TMEM132D: variants seen among roughly 807,000 people sequenced by gnomAD.
The protein encoded by TMEM132D is transmembrane protein 132D.
A neutral mutation model predicts 62.3 loss-of-function variants in TMEM132D; 21 were observed. The ratio of observed to expected loss-of-function variants is 0.34; its 90% CI spans 0.24 to 0.49. The LOEUF is 0.49. Ranked by LOEUF, TMEM132D falls within the 20% of genes least tolerant of loss-of-function variation. The pLI is 0.99. For missense variants in TMEM132D, 1,346 were observed against 1,402.8 expected, an observed-to-expected ratio of 0.96 and a Z score of 0.65; for synonymous variants, 621 against 575.6, an observed-to-expected ratio of 1.08 and a Z score of -1.13.
chr12:129,235,517 C>A (rs1416801813), intron 4 of TMEM132D, among the ~76,000 whole-genome samples: 2 of 151,854 alleles, frequency 1.3e-5, no homozygotes, highest in East Asian at 3.9e-4. Context: ...TTAATCCTTG[C>A]TGTTACATGT....
chr12:129,699,653 C>T (rs1249976757), intron 2 of TMEM132D, among the ~76,000 whole-genome samples, 157 bp downstream of exon 2: 1 of 152,208 alleles, frequency 6.6e-6, no homozygotes, highest in Non-Finnish European at 1.5e-5. Flanking sequence ...AACGATCAGA[C>T]TGGTCTCTGT....
At chr12:129,227,772 T>C (rs1241273653) in intron 4 of TMEM132D, among the ~76,000 whole-genome samples, 2 of 151,732 alleles carry the variant, frequency 1.3e-5, no homozygotes, top group Non-Finnish European at 2.9e-5. Flanking sequence ...CAACAGGCCC[T>C]GGTGTGTAAT....
rs181299347 is a variant in TMEM132D, at chr12:129,329,551, T to C, written c.1299+8083A>G. 2.0e-5 allele frequency among the ~76,000 whole-genome samples: 3 copies of C among 152,340 alleles called. No homozygotes were observed. The East Asian group carries it at 5.8e-4, about 29-fold the overall frequency. Reference sequence around the variant, plus strand: ...CAGGAAAGGAAGCTCCTTTCCCTAATTTGACAGCCTTTTCTTAAGTCCAGA... The same window carrying C: ...CAGGAAAGGAAGCTCCTTTCCCTAACTTGACAGCCTTTTCTTAAGTCCAGA... On this transcript the variant is annotated intron_variant, in intron 4 of 8. Transcript: ENST00000422113.
chr12:129,574,946 C>T (rs540233566), intron 2 of TMEM132D, among the ~76,000 whole-genome samples: 2 of 151,900 alleles, frequency 1.3e-5, no homozygotes, highest in South Asian at 2.1e-4. Context: ...CGAAACTCCA[C>T]CAAACACTCT....
chr12:129,902,048 C>A (rs1297591231), intron 1 of TMEM132D, among the ~76,000 whole-genome samples: 3 of 152,142 alleles, frequency 2.0e-5, no homozygotes, highest in African/African-American at 4.8e-5. Context: ...GAAACGTGAG[C>A]CCATTTCAAC....
chr12:129,409,581 T>A (rs1418688538), intron 3 of TMEM132D, among the ~76,000 whole-genome samples: 1 of 152,188 alleles, frequency 6.6e-6, no homozygotes, highest in East Asian at 1.9e-4. Context: ...AAATTATGAA[T>A]TACCACTTTC....
At chr12:129,362,947 A>G (rs1185066804) in intron 3 of TMEM132D, among the ~76,000 whole-genome samples, 1 of 152,228 alleles carries the variant, frequency 6.6e-6, no homozygotes, top group Non-Finnish European at 1.5e-5. Flanking sequence ...ACAATTGCAC[A>G]TGGTACAGCA....
intron 3 of TMEM132D, among the ~76,000 whole-genome samples, chr12:129,392,622 C>A (rs993928169): frequency 6.6e-6 from 1 of 152,174 alleles, no homozygotes; most frequent in Non-Finnish European, 1.5e-5. Context: ...CTAGGAACCT[C>A]GTTACAAATG....
chr12:129,274,734 A>C (rs564878547), intron 4 of TMEM132D, among the ~76,000 whole-genome samples: 3 of 152,142 alleles, frequency 2.0e-5, no homozygotes, highest in South Asian at 4.2e-4. Flanking sequence ...AAAAATACAA[A>C]AAATTAGCCA....
chr12:129,503,783 T>G (rs1295585276), intron 3 of TMEM132D, among the ~76,000 whole-genome samples: 1 of 152,184 alleles, frequency 6.6e-6, no homozygotes, highest in Non-Finnish European at 1.5e-5. Flanking sequence ...ACAATTATTC[T>G]TCTCTCTGCA....
At position 129,074,686 on chromosome 12, in the gene TMEM132D, G is replaced by T. The variant is rs143905056; in HGVS notation, c.2489C>A (p.Pro830His). The T allele has an allele frequency of 3.7e-6, 6 of 1,614,038 alleles. No homozygotes were observed. The South Asian group carries it at 6.6e-5, about 18-fold the overall frequency. The change falls in exon 9 of 9, where the codon CCC becomes CAC. Residue 830 changes from proline to histidine, a missense_variant. Physicochemically the swap from Pro to His is moderately conservative, Grantham distance 77. Coordinates refer to ENST00000422113, the MANE Select transcript of TMEM132D (RefSeq NM_133448.3). ...NNVSDRRPKK[P>H]SQEWGSQEGQ... ...TTCCTGACTCCCCCATTCCTGCGAG[G>T]GTTTTTTGGGCCTTCTGTCACTGAC...
intron 3 of TMEM132D, among the ~76,000 whole-genome samples, chr12:129,421,899 T>C (rs1478549830): frequency 1.3e-5 from 2 of 152,170 alleles, no homozygotes; most frequent in African/African-American, 4.8e-5. Context: ...TGCAATAAAA[T>C]TCAGTCTGAG....
chr12:129,841,203 A>C (rs771813343), intron 1 of TMEM132D, among the ~76,000 whole-genome samples: 5 of 152,200 alleles, frequency 3.3e-5, no homozygotes, highest in Non-Finnish European at 7.3e-5. Context: ...AGTTACCAAA[A>C]GTTTTCAGCG....
At position 129,148,346 on chromosome 12, in the gene TMEM132D, T is replaced by C. The variant is rs572937609; in HGVS notation, c.1443+61174A>G. On this transcript the variant is annotated intron_variant, in intron 5 of 8. Coordinates refer to ENST00000422113, the MANE Select transcript of TMEM132D (RefSeq NM_133448.3). ...TACATGGCAGAGGGGACTCTGTAGA[T>C]GTGATTAAGGGTTTTAAAATGGGGA... Among the ~76,000 whole-genome samples, 6 of 152,268 alleles carry C rather than the reference T, an allele frequency of 3.9e-5. No individual in the cohort carries two copies. The South Asian group carries it at 1.0e-3, about 26-fold the overall frequency.
intron 4 of TMEM132D, among the ~76,000 whole-genome samples, chr12:129,231,293 T>G (rs1007473266): frequency 5.3e-5 from 8 of 152,200 alleles, no homozygotes; most frequent in African/African-American, 1.9e-4. Context: ...TTAACTTCCA[T>G]TTGTAACAGA....
At chr12:129,789,660 T>C (rs925084938) in intron 1 of TMEM132D, among the ~76,000 whole-genome samples, 1 of 152,198 alleles carries the variant, frequency 6.6e-6, no homozygotes, top group Non-Finnish European at 1.5e-5. Context: ...CTTAGAAGTC[T>C]CTGACATGTG....
intron 2 of TMEM132D, among the ~76,000 whole-genome samples, chr12:129,552,306 A>C (rs184632558): frequency 1.3e-5 from 2 of 152,156 alleles, no homozygotes; most frequent in African/African-American, 4.8e-5. Context: ...ATTATCTATC[A>C]TCAATCCATT....
chr12:129,097,249 C>G (rs954344016), intron 5 of TMEM132D, among the ~76,000 whole-genome samples: 1 of 152,240 alleles, frequency 6.6e-6, no homozygotes, highest in East Asian at 1.9e-4. Context: ...TGTCTCCGGA[C>G]ATTGCTAAAG....
At chr12:129,348,463 C>A (rs1869758864) in intron 3 of TMEM132D, among the ~76,000 whole-genome samples, 3 of 152,126 alleles carry the variant, frequency 2.0e-5, no homozygotes. Context: ...GAACAGAAAA[C>A]CAAACACCAC....
Sources: allele counts gnomAD v4.1 joint callset (sites outside exome capture counted in the v4.1 genomes callset), GRCh38; gene constraint gnomAD v4.1.1; transcripts MANE v1.5; gene names NCBI Gene and HGNC (gene_info 2026-07-23, HGNC 2026-07-21).